The following HHIPL1 variants were observed in gnomAD, a reference collection of about 807,000 sequenced individuals.
The protein encoded by HHIPL1 is HHIP like 1.
A neutral mutation model predicts 61.8 loss-of-function variants in HHIPL1; 43 were observed. That is an observed-to-expected ratio of 0.70 (90% CI 0.55 to 0.90). HHIPL1 has a LOEUF of 0.90. HHIPL1 is among the 40% of genes least tolerant of loss of function. HHIPL1 has a pLI of 0.00. For missense variants in HHIPL1, 1,056 were observed against 1,157.7 expected (o/e 0.91, Z 1.28); for synonymous variants, 482 against 515.8 (o/e 0.93, Z 0.89).
chr14:99,637,244 GAA>G, the HHIPL1 span, among the ~76,000 whole-genome samples: 1 of 143,990 alleles, frequency 6.9e-6, no homozygotes, highest in African/African-American at 2.7e-5. Flanking sequence ...AAGAAAGAAA[GAA>G]AGAAAGAAAG....
At chr14:99,643,251 G>A (rs1179209327), upstream of HHIPL1, among the ~76,000 whole-genome samples, 2 of 151,654 alleles carry the variant, frequency 1.3e-5, no homozygotes, top group Non-Finnish European at 2.9e-5. Flanking sequence ...TGTTGACCAG[G>A]CTGGTTTCGA....
At chr14:99,639,723 G>A in the HHIPL1 span, among the ~76,000 whole-genome samples, 9 of 152,058 alleles carry the variant, frequency 5.9e-5, no homozygotes, top group African/African-American at 2.2e-4. Flanking sequence ...GTGCAGTGGT[G>A]TGATCTCGGC....
chr14:99,608,184 G>A, the HHIPL1 span, among the ~76,000 whole-genome samples: 1 of 152,174 alleles, frequency 6.6e-6, no homozygotes, highest in Non-Finnish European at 1.5e-5. Context: ...GAACAGCAGG[G>A]TGGGGAAAGT....
At chr14:99,643,432 T>C (rs775286689), upstream of HHIPL1, among the ~76,000 whole-genome samples, 6 of 152,238 alleles carry the variant, frequency 3.9e-5, no homozygotes, top group South Asian at 2.1e-4. Flanking sequence ...CCGAGGTAAA[T>C]AGGTATTAGG....
chr14:99,644,159 A>G (rs958949492), upstream of HHIPL1, among the ~76,000 whole-genome samples: 3 of 152,184 alleles, frequency 2.0e-5, no homozygotes, highest in African/African-American at 7.2e-5. Context: ...CAGCTCTGCC[A>G]GGAGCATGGG....
chr14:99,625,901 T>A, the HHIPL1 span, among the ~76,000 whole-genome samples: 1 of 152,138 alleles, frequency 6.6e-6, no homozygotes, highest in Non-Finnish European at 1.5e-5. Context: ...GTGTGACCTT[T>A]GGCAAGACTC....
At chr14:99,617,548 C>A in the HHIPL1 span, among the ~76,000 whole-genome samples, 2 of 152,180 alleles carry the variant, frequency 1.3e-5, no homozygotes, top group Non-Finnish European at 2.9e-5. Flanking sequence ...AATCGGGGAA[C>A]CATCTCATTT....
chr14:99,675,012 G>A lies in HHIPL1; in HGVS notation c.1814-79G>A. 2 of 768,070 alleles carry A rather than the reference G, an allele frequency of 2.6e-6. No individual in the cohort carries two copies. The highest frequency in any genetic ancestry group is 1.6e-6 in the Non-Finnish European group (1 of 608,032). The allele number at this position is 768,070 out of a possible 1,614,324, so 47.6% of individuals were successfully genotyped here. ...CGAGTCTGCGCTCTCCGCACAGGTT[G>A]CAGGGCAGCACAGGGTGGGCAGCAG... On this transcript the variant is annotated intron_variant, in intron 8 of 8. Coordinates refer to ENST00000330710, the MANE Select transcript of HHIPL1 (RefSeq NM_001127258.3). This position sits in a 1 kb window ranked among gnomAD's most constrained non-coding sequence, Gnocchi z 5.4.
intron 7 of HHIPL1, among the ~76,000 whole-genome samples, chr14:99,671,535 C>T (rs1254840131): frequency 6.6e-6 from 1 of 152,222 alleles, no homozygotes. Flanking sequence ...ACCCCTTGGC[C>T]TTTCCACTGG....
chr14:99,645,725 C>T (rs1208026654), intron 1 of HHIPL1, among the ~76,000 whole-genome samples: 1 of 152,240 alleles, frequency 6.6e-6, no homozygotes, highest in African/African-American at 2.4e-5. Flanking sequence ...GACGGACGGA[C>T]AGATGATGTC....
chr14:99,638,630 C>T, the HHIPL1 span, among the ~76,000 whole-genome samples: 230 of 152,334 alleles, frequency 1.5e-3, 1 homozygote, highest in African/African-American at 5.3e-3. Context: ...CCCACTCCCA[C>T]TCAAGAGATA....
chr14:99,632,360 C>G, the HHIPL1 span, among the ~76,000 whole-genome samples: 4 of 152,210 alleles, frequency 2.6e-5, no homozygotes, highest in African/African-American at 9.7e-5. Context: ...CTGGGGGAAA[C>G]CCAATCCCTG....
At position 99,660,547 on chromosome 14, in the gene HHIPL1, C is replaced by G. The variant is rs945855307; in HGVS notation, c.1502+141C>G. 7.0e-6 allele frequency: 7 copies of G among 1,006,568 alleles called. No homozygotes were observed. The highest frequency in any genetic ancestry group is 6.5e-5 in the African/African-American group (4 of 61,720). The allele number at this position is 1,006,568 out of a possible 1,614,324, so 62.4% of individuals were successfully genotyped here. On this transcript the variant is annotated intron_variant, in intron 5 of 8. Coordinates refer to ENST00000330710, the MANE Select transcript of HHIPL1 (RefSeq NM_001127258.3). The surrounding 1 kb of genome is among the most constrained non-coding windows in gnomAD (Gnocchi z 4.9). The stretch of plus-strand genomic sequence containing the variant: ...CTGACAGGGGCCCCTAGGTGTGGGC[C>G]GGACACCCGCATCCACCCGCTTTTC...
the HHIPL1 span, among the ~76,000 whole-genome samples, chr14:99,636,554 G>A: frequency 1.3e-5 from 2 of 152,272 alleles, no homozygotes; most frequent in African/African-American, 2.4e-5. Flanking sequence ...CTGCTTTTTG[G>A]TGACTTGCAA....
the HHIPL1 span, among the ~76,000 whole-genome samples, chr14:99,632,032 G>A: frequency 4.6e-5 from 7 of 152,212 alleles, no homozygotes; most frequent in African/African-American, 1.7e-4. Context: ...ATGGGGCAGG[G>A]CCAGTGGGGG....
At chr14:99,633,256 C>T in the HHIPL1 span, among the ~76,000 whole-genome samples, 3 of 152,326 alleles carry the variant, frequency 2.0e-5, no homozygotes, top group South Asian at 6.2e-4. Context: ...CAGAAGGTCA[C>T]CCCCAGGGGA....
chr14:99,666,147 A>G (rs953861632), intron 6 of HHIPL1, among the ~76,000 whole-genome samples: 2 of 152,164 alleles, frequency 1.3e-5, no homozygotes, highest in Non-Finnish European at 2.9e-5. Context: ...TAATATTTTT[A>G]GGTTCTATGA....
At chr14:99,631,042 G>T in the HHIPL1 span, among the ~76,000 whole-genome samples, 1 of 139,448 alleles carries the variant, frequency 7.2e-6, no homozygotes, top group African/African-American at 2.6e-5. Context: ...ATCTGCAGTG[G>T]CTCCATTTTC....
chr14:99,637,091 A>AGAAAGAAG, the HHIPL1 span, among the ~76,000 whole-genome samples: 171 of 127,020 alleles, frequency 1.3e-3, 8 homozygotes, highest in Non-Finnish European at 7.9e-4. Flanking sequence ...AAAGAAAGAA[A>AGAAAGAAG]GAAGGAAGGA....
Sources: gnomAD v4.1 joint callset for allele counts (sites outside exome capture counted in the v4.1 genomes callset) on GRCh38, gnomAD v4.1.1 for gene constraint, Gnocchi (gnomAD v3.1) non-coding constraint, MANE v1.5 for transcripts, NCBI Gene and HGNC (gene_info 2026-07-23, HGNC 2026-07-21) for gene names.